The following RGS17 variants were observed in gnomAD, a reference collection of about 807,000 sequenced individuals.
RGS17 encodes the protein regulator of G-protein signaling 17.
In RGS17, 12 loss-of-function variants were observed where a neutral mutation model predicts 25.5. That is an observed-to-expected ratio of 0.47 (90% CI 0.30 to 0.76). The LOEUF (loss-of-function observed/expected upper bound fraction) is 0.76, where lower values mean the gene tolerates loss of function less well. Among genes scored for constraint, RGS17 ranks in the 30% least tolerant of loss-of-function variants. The pLI, the probability that RGS17 is intolerant of heterozygous loss-of-function variation, is 0.07. For synonymous variants in RGS17, 71 were observed against 76.9 expected, an observed-to-expected ratio of 0.92 and a Z score of 0.40; for missense variants, 196 against 242.2, an observed-to-expected ratio of 0.81 and a Z score of 1.27.
intron 4 of RGS17, among the ~76,000 whole-genome samples, chr6:153,014,144 G>C (rs562373398): frequency 1.3e-5 from 2 of 152,214 alleles, no homozygotes; most frequent in East Asian, 3.9e-4. Flanking sequence ...AATACTAACT[G>C]GTAACTTTAA....
chr6:153,128,584 A>T (rs528028145), intron 1 of RGS17, among the ~76,000 whole-genome samples: 1 of 152,234 alleles, frequency 6.6e-6, no homozygotes, highest in African/African-American at 2.4e-5. Flanking sequence ...TGATCAATTC[A>T]GATTTAAAAT....
At chr6:153,059,052 A>G (rs1220670040) in intron 1 of RGS17, among the ~76,000 whole-genome samples, 8 of 152,160 alleles carry the variant, frequency 5.3e-5, no homozygotes, top group African/African-American at 1.9e-4. Context: ...ATCAGTGAAT[A>G]TACCCATGTA....
At chr6:153,125,032 C>T (rs1195914195) in intron 1 of RGS17, among the ~76,000 whole-genome samples, 1 of 152,150 alleles carries the variant, frequency 6.6e-6, no homozygotes, top group African/African-American at 2.4e-5. Flanking sequence ...ATTTAACTCA[C>T]TATATTATTG....
intron 1 of RGS17, among the ~76,000 whole-genome samples, chr6:153,075,528 C>T (rs1317769871): frequency 6.6e-6 from 1 of 152,092 alleles, no homozygotes; most frequent in Non-Finnish European, 1.5e-5. Flanking sequence ...AGTGGGCTGT[C>T]ACTGGCACGG....
In RGS17 at chr6:153,008,063, T is replaced by C. The variant is rs1041241013; in HGVS notation, c.*3511A>G. ...TTAAAGTATAAATAAGTTAAAGGTA[T>C]AGAAAAATGGATAAACTCAAAAGTA... On this transcript the variant is annotated 3_prime_UTR_variant, in exon 5 of 5. Transcript: ENST00000206262. 2.0e-5 allele frequency: 3 copies of C among 152,194 alleles called. No homozygotes were observed. The highest frequency in any genetic ancestry group is 2.1e-4 in the South Asian group (1 of 4,834). 9.4% of individuals were successfully genotyped at this position (152,194 alleles called of 1,614,324 possible).
chr6:153,061,085 A>G (rs990219708), intron 1 of RGS17, among the ~76,000 whole-genome samples: 3 of 152,232 alleles, frequency 2.0e-5, no homozygotes, highest in African/African-American at 7.2e-5. Context: ...TCAATTGCTT[A>G]GAAATTTTAG....
intron 1 of RGS17, among the ~76,000 whole-genome samples, chr6:153,071,089 A>C (rs1229970522): frequency 6.7e-6 from 1 of 149,996 alleles, no homozygotes; most frequent in Non-Finnish European, 1.5e-5. Context: ...GTACACATGT[A>C]TATATACACA....
intron 1 of RGS17, among the ~76,000 whole-genome samples, chr6:153,073,467 A>T (rs1477561067): frequency 3.3e-5 from 5 of 152,182 alleles, no homozygotes; most frequent in Non-Finnish European, 7.4e-5. Flanking sequence ...GGGTGCAGTC[A>T]AACTTAGAGT....
intron 1 of RGS17, among the ~76,000 whole-genome samples, chr6:153,086,930 T>C (rs1777060794): frequency 6.6e-6 from 1 of 152,096 alleles, no homozygotes; most frequent in Admixed American, 6.6e-5. Context: ...ATAGTAAAAA[T>C]CAGTTCATTA....
At chr6:153,115,338 C>A (rs931759574) in intron 1 of RGS17, among the ~76,000 whole-genome samples, 5 of 152,120 alleles carry the variant, frequency 3.3e-5, no homozygotes, top group African/African-American at 1.2e-4. Flanking sequence ...ACAATTGCTA[C>A]AAGGAGAATA....
intron 4 of RGS17, among the ~76,000 whole-genome samples, chr6:153,021,475 G>C (rs756095171): frequency 1.3e-5 from 2 of 152,200 alleles, no homozygotes; most frequent in Non-Finnish European, 2.9e-5. Context: ...TCAATGAGTC[G>C]AGTCAATGAA....
intron 1 of RGS17, among the ~76,000 whole-genome samples, chr6:153,129,805 T>G (rs1310084367): frequency 6.6e-6 from 1 of 152,174 alleles, no homozygotes; most frequent in Non-Finnish European, 1.5e-5. Context: ...AAAGAAGCAT[T>G]TATGGAAAGG....
chr6:153,079,041 C>G (rs981415081), intron 1 of RGS17, among the ~76,000 whole-genome samples: 3 of 151,902 alleles, frequency 2.0e-5, no homozygotes, highest in African/African-American at 7.3e-5. Context: ...CCTTATTACA[C>G]TGGTTAGAGT....
At chr6:153,045,164 G>T (rs538397163) in intron 1 of RGS17, among the ~76,000 whole-genome samples, 1 of 151,974 alleles carries the variant, frequency 6.6e-6, no homozygotes, top group Admixed American at 6.6e-5. Context: ...CATATTTTTC[G>T]ACCAGAAACA....
intron 1 of RGS17, among the ~76,000 whole-genome samples, chr6:153,047,824 G>T (rs1776404266): frequency 6.6e-6 from 1 of 152,174 alleles, no homozygotes; most frequent in Non-Finnish European, 1.5e-5. Context: ...TTTGTCTACA[G>T]TAGTCCAAAC....
chr6:153,120,029 A>C (rs1562339410), intron 1 of RGS17, among the ~76,000 whole-genome samples: 1 of 152,236 alleles, frequency 6.6e-6, no homozygotes, highest in Admixed American at 6.5e-5. Context: ...TTTGTTTTGT[A>C]AGTGAATTTC....
At chr6:153,031,691 C>T in intron 2 of RGS17, among the ~76,000 whole-genome samples, 1 of 152,100 alleles carries the variant, frequency 6.6e-6, no homozygotes. Flanking sequence ...TGTGGTATTG[C>T]AAGTGTTTAC....
At position 153,053,975 on chromosome 6, in the gene RGS17, ATG is replaced by A. The variant is rs1491323297; in HGVS notation, c.-25-9934_-25-9933del. Among the ~76,000 whole-genome samples the A allele has an allele frequency of 4.0e-4, 20 of 50,542 alleles. 3 individuals are homozygous for A. Among genetic ancestry groups the A allele is most frequent in the Non-Finnish European group, 6.2e-4 (20 of 32,438 alleles). The allele number at this position is 50,542 out of a possible 152,430, so 33.2% of individuals were successfully genotyped here. A position where few individuals can be genotyped will look rare whatever the true frequency, so the allele number is the denominator to read the frequency against. ...ATACATATATATTATATACATATAT[ATG>A]TATATATGTATATAATATATATACA... is the stretch of plus-strand genomic sequence containing the variant. On this transcript the variant is annotated intron_variant, in intron 1 of 4. Transcript: ENST00000206262.
In RGS17 at chr6:153,009,638, T is replaced by TA. The variant is rs1423891079; in HGVS notation, c.*1935dup. 6.6e-6 allele frequency: 1 copy of TA among 152,012 alleles called. No individual in the cohort carries two copies. Among genetic ancestry groups the TA allele is most frequent in the African/African-American group, 2.4e-5 (1 of 41,438 alleles). 9.4% of individuals were successfully genotyped at this position (152,012 alleles called of 1,614,324 possible). A position where few individuals can be genotyped will look rare whatever the true frequency, so the allele number is the denominator to read the frequency against. On this transcript the variant is annotated 3_prime_UTR_variant, in exon 5 of 5. Coordinates refer to ENST00000206262, the MANE Select transcript of RGS17 (RefSeq NM_012419.5). ...ACTTTCAGAAAACACAGGCATTTGT[T>TA]AAAAGAAATGATTATTATAAATATT... is the stretch of plus-strand genomic sequence containing the variant.
Sources: gnomAD v4.1 joint callset for allele counts (sites outside exome capture counted in the v4.1 genomes callset) on GRCh38, gnomAD v4.1.1 for gene constraint, MANE v1.5 for transcripts, NCBI Gene and HGNC (gene_info 2026-07-23, HGNC 2026-07-21) for gene names.